CADPS2: variants seen among roughly 807,000 people sequenced by gnomAD.
CADPS2 encodes calcium-dependent secretion activator 2.
In CADPS2, 93 loss-of-function variants were observed where a neutral mutation model predicts 172.5. That is an observed-to-expected ratio of 0.54 (90% CI 0.46 to 0.64). The LOEUF (loss-of-function observed/expected upper bound fraction) is 0.64. Ranked by LOEUF, CADPS2 falls within the 30% of genes least tolerant of loss-of-function variation. CADPS2 has a pLI of 0.00. For missense variants in CADPS2, 1,420 were observed against 1,565.9 expected (o/e 0.91, Z 1.57); for synonymous variants, 546 against 555.2 (o/e 0.98, Z 0.23).
At chr7:122,835,822 C>CG (rs1291973354) in intron 1 of CADPS2, among the ~76,000 whole-genome samples, 1 of 152,122 alleles carries the variant, frequency 6.6e-6, no homozygotes, top group African/African-American at 2.4e-5. Context: ...CTGAAAGTGA[C>CG]GGGGAGAATG....
chr7:122,422,235 G>C (rs929442369), intron 17 of CADPS2, among the ~76,000 whole-genome samples: 1 of 152,110 alleles, frequency 6.6e-6, no homozygotes, highest in Admixed American at 6.5e-5. Context: ...CAGTCACCTG[G>C]GGCACTCTCT....
At chr7:122,652,754 T>C (rs769645725) in intron 3 of CADPS2, among the ~76,000 whole-genome samples, 34 of 152,192 alleles carry the variant, frequency 2.2e-4, no homozygotes, top group Non-Finnish European at 4.4e-4. Context: ...GAATCCAAAG[T>C]ATGAAATTTT....
intron 8 of CADPS2, among the ~76,000 whole-genome samples, chr7:122,514,685 T>C (rs1339756247): frequency 6.6e-6 from 1 of 152,132 alleles, no homozygotes; most frequent in Admixed American, 6.6e-5. Context: ...GTGTATGCTG[T>C]AGGGATACAT....
At chr7:122,670,147 A>G (rs1346836761) in intron 2 of CADPS2, among the ~76,000 whole-genome samples, 1 of 151,482 alleles carries the variant, frequency 6.6e-6, no homozygotes, top group African/African-American at 2.4e-5. Flanking sequence ...TATTCCCACT[A>G]CCATTTTTTC....
intron 1 of CADPS2, among the ~76,000 whole-genome samples, chr7:122,834,821 A>T (rs187375335): frequency 6.6e-6 from 1 of 152,302 alleles, no homozygotes; most frequent in African/African-American, 2.4e-5. Flanking sequence ...CCGCAGCTCA[A>T]GGAGGCCTGC....
At chr7:122,485,256 G>C (rs973513927) in intron 11 of CADPS2, among the ~76,000 whole-genome samples, 15 of 152,164 alleles carry the variant, frequency 9.9e-5, no homozygotes. Flanking sequence ...TGCTTAGTGA[G>C]CAAGGCATGT....
At chr7:122,552,569 G>T (rs975003982) in intron 8 of CADPS2, among the ~76,000 whole-genome samples, 1 of 152,032 alleles carries the variant, frequency 6.6e-6, no homozygotes, top group Non-Finnish European at 1.5e-5. Flanking sequence ...GGTCTGGATT[G>T]TCTCACCTAT....
At chr7:122,369,155 T>TTTGAGACG (rs1554469782) in intron 25 of CADPS2, among the ~76,000 whole-genome samples, 1 of 99,464 alleles carries the variant, frequency 1.0e-5, no homozygotes, top group Non-Finnish European at 1.9e-5. Context: ...TTTTTTTTTT[T>TTTGAGACG]GAGTCTCGCT....
chr7:122,663,813 T>C (rs1199604339), intron 2 of CADPS2, among the ~76,000 whole-genome samples: 2 of 152,198 alleles, frequency 1.3e-5, no homozygotes, highest in East Asian at 1.9e-4. Flanking sequence ...TAAGATGGTT[T>C]ACTTTGACCT....
chr7:122,551,079 T>A lies in CADPS2; in HGVS notation c.1475+3471A>T, dbSNP rs150217817. 3.9e-3 allele frequency among the ~76,000 whole-genome samples: 593 copies of A among 152,226 alleles called. 6 individuals are homozygous for A. Among genetic ancestry groups the A allele is most frequent in the African/African-American group, 0.014 (562 of 41,562 alleles). On this transcript the variant is annotated intron_variant, in intron 8 of 29. Transcript: ENST00000449022. ...CTATAATATATAGTCGTGGACTGAT[T>A]AGTTATCAGAAACATGAGCTTTAGA...
chr7:122,424,708 C>T (rs897542270), intron 17 of CADPS2, among the ~76,000 whole-genome samples: 13 of 152,220 alleles, frequency 8.5e-5, no homozygotes, highest in East Asian at 1.9e-4. Context: ...GAAACACATT[C>T]GGCCCAATTT....
rs2080841232 is a variant in CADPS2, at chr7:122,663,498, T to G, written c.525A>C (p.Glu175Asp). ...GTTTTTCTATGTTTTTCTTAAATACTTCTCTGAAGTCATTAGCAGAACACC... is the reference window on the plus strand; with the variant it reads ...GTTTTTCTATGTTTTTCTTAAATACGTCTCTGAAGTCATTAGCAGAACACC... ...SGGCSANDFR[E>D]VFKKNIEKRV... The change falls in exon 3 of 30, where the codon GAA becomes GAC. Residue 175 changes from glutamate (E) to aspartate (D), a missense_variant. Transcript: ENST00000449022. 1 of 1,612,478 alleles carries G rather than the reference T, an allele frequency of 6.2e-7. No homozygotes were observed. The highest frequency in any genetic ancestry group is 1.3e-5 in the African/African-American group (1 of 74,928).
intron 1 of CADPS2, among the ~76,000 whole-genome samples, chr7:122,848,057 T>C (rs1812510959): frequency 6.6e-6 from 1 of 152,236 alleles, no homozygotes; most frequent in Admixed American, 6.5e-5. Flanking sequence ...CTCAACTCTT[T>C]GCCTATGGCT....
At chr7:122,549,523 A>G (rs1046833425) in intron 8 of CADPS2, among the ~76,000 whole-genome samples, 4 of 151,954 alleles carry the variant, frequency 2.6e-5, no homozygotes, top group African/African-American at 9.7e-5. Context: ...TGGGAGACTG[A>G]AGTGGGAGGA....
chr7:122,747,840 GCA>G (rs35510489), intron 1 of CADPS2, among the ~76,000 whole-genome samples: 3 of 151,860 alleles, frequency 2.0e-5, no homozygotes, highest in Admixed American at 6.6e-5. Context: ...TTGTGCCTTT[GCA>G]CAGTTTGCTT....
chr7:122,720,624 G>GTATATACATACATATA (rs2090272160), intron 2 of CADPS2, among the ~76,000 whole-genome samples: 1 of 151,262 alleles, frequency 6.6e-6, no homozygotes, highest in Admixed American at 6.6e-5. Context: ...ATACATATAT[G>GTATATACATACATATA]TACGTATGTG....
rs2045720216 is a variant in CADPS2 at position 122,399,877 on chromosome 7, G to A, written c.2747-6295C>T. On this transcript the variant is annotated intron_variant, in intron 20 of 29. Coordinates refer to ENST00000449022, the MANE Select transcript of CADPS2 (RefSeq NM_017954.11). ...AACTTTTTGTATTTTTAGTAGAGAC[G>A]GGGTTTCACCGTGGTCTCGATCTCC... Among the ~76,000 whole-genome samples, 4 of 148,772 alleles carry A rather than the reference G, an allele frequency of 2.7e-5. No homozygotes were observed. In the South Asian group the frequency reaches 6.4e-4, roughly 24 times the overall value.
chr7:122,751,442 A>C (rs1423648634), intron 1 of CADPS2, among the ~76,000 whole-genome samples: 1 of 152,170 alleles, frequency 6.6e-6, no homozygotes, highest in Non-Finnish European at 1.5e-5. Flanking sequence ...GTGGAAACTG[A>C]AAGCTTGATC....
chr7:122,828,192 T>C (rs1056616465), intron 1 of CADPS2, among the ~76,000 whole-genome samples: 12 of 152,222 alleles, frequency 7.9e-5, no homozygotes, highest in Non-Finnish European at 2.9e-5. Context: ...GTATCTCTAA[T>C]AATTTTATTT....
Sources: allele counts gnomAD v4.1 joint callset (sites outside exome capture counted in the v4.1 genomes callset), GRCh38; gene constraint gnomAD v4.1.1; transcripts MANE v1.5; gene names NCBI Gene and HGNC (gene_info 2026-07-23, HGNC 2026-07-21).